The following PLD5 variants were observed in gnomAD, a reference collection of about 807,000 sequenced individuals.
PLD5 encodes the protein phospholipase D family member 5.
Under a neutral mutation model 61.1 loss-of-function variants are expected in PLD5, and 36 were observed. The observed-to-expected ratio is 0.59, with a 90% confidence interval of 0.45 to 0.78. PLD5 has a LOEUF of 0.78. PLD5 is among the 30% of genes least tolerant of loss of function. The pLI is 0.00. For missense variants in PLD5, 515 were observed against 644.4 expected (o/e 0.80, Z 2.17); for synonymous variants, 243 against 242.8 (o/e 1.00, Z -0.01).
intron 1 of PLD5, among the ~76,000 whole-genome samples, chr1:242,519,153 C>T (rs1669198157): frequency 6.6e-6 from 1 of 152,200 alleles, no homozygotes; most frequent in African/African-American, 2.4e-5. Flanking sequence ...TTAGGTTGAA[C>T]TCTGTCTTCT....
At chr1:242,380,956 T>G (rs761896444) in intron 1 of PLD5, among the ~76,000 whole-genome samples, 1 of 152,198 alleles carries the variant, frequency 6.6e-6, no homozygotes, top group African/African-American at 2.4e-5. Context: ...GATGGGAATA[T>G]AAATTAGTTC....
At chr1:242,213,322 A>G (rs1226678344) in intron 5 of PLD5, among the ~76,000 whole-genome samples, 1 of 152,176 alleles carries the variant, frequency 6.6e-6, no homozygotes, top group Middle Eastern at 3.2e-3. Flanking sequence ...TTTGCTCCCC[A>G]GTAGAAAAGA....
At chr1:242,102,734 G>A (rs1323462771) in intron 8 of PLD5, among the ~76,000 whole-genome samples, 1 of 152,116 alleles carries the variant, frequency 6.6e-6, no homozygotes, top group Non-Finnish European at 1.5e-5. Flanking sequence ...ACCCATCTGT[G>A]TTCTAGACAT....
chr1:242,182,713 C>T (rs543952575), intron 5 of PLD5, among the ~76,000 whole-genome samples: 6 of 152,192 alleles, frequency 3.9e-5, no homozygotes, highest in Admixed American at 2.0e-4. Context: ...CATGGTGGCA[C>T]ACGCCCGAAA....
chr1:242,301,979 C>G (rs1015413624), intron 2 of PLD5, among the ~76,000 whole-genome samples: 1 of 152,078 alleles, frequency 6.6e-6, no homozygotes, highest in African/African-American at 2.4e-5. Flanking sequence ...CAGGGTTTCA[C>G]CATGCTGGCC....
At chr1:242,161,735 T>C (rs118075393) in intron 5 of PLD5, among the ~76,000 whole-genome samples, 1 of 147,792 alleles carries the variant, frequency 6.8e-6, no homozygotes, top group East Asian at 2.0e-4. Flanking sequence ...GAAGATCTCG[T>C]CCAGAAGTAA....
chr1:242,308,073 T>C (rs1429693984), intron 2 of PLD5, among the ~76,000 whole-genome samples: 2 of 152,358 alleles, frequency 1.3e-5, no homozygotes, highest in East Asian at 1.9e-4. Context: ...CTTATAAATA[T>C]GTAAATATTT....
chr1:242,360,515 G>A (rs115720028), intron 1 of PLD5, among the ~76,000 whole-genome samples: 3,229 of 151,934 alleles, frequency 0.021, 50 homozygotes, highest in East Asian at 0.033. Context: ...TCATAATGAA[G>A]AAAGAAAACC....
chr1:242,306,770 CA>C (rs2149167996), intron 2 of PLD5, among the ~76,000 whole-genome samples: 1 of 135,434 alleles, frequency 7.4e-6, no homozygotes, highest in East Asian at 2.3e-4. Flanking sequence ...CACACACACA[CA>C]CACACACACA....
rs913120406 is a variant in PLD5 at position 242,175,820 on chromosome 1, G to A, written c.735+44168C>T. ...TACACCAATAATAGACAAACAGAGA[G>A]CCAAATCATGAGTGAACTCCCATTT... On this transcript the variant is annotated intron_variant, in intron 5 of 9. Coordinates refer to ENST00000536534, the MANE Select transcript of PLD5 (RefSeq NM_001372062.1). 4.6e-5 allele frequency among the ~76,000 whole-genome samples: 7 copies of A among 152,156 alleles called. No individual in the cohort carries two copies. The South Asian group carries it at 1.5e-3, about 32-fold the overall frequency.
chr1:242,370,125 A>C (rs1401853828), intron 1 of PLD5, among the ~76,000 whole-genome samples: 1 of 152,192 alleles, frequency 6.6e-6, no homozygotes, highest in East Asian at 1.9e-4. Flanking sequence ...GACAGATGGC[A>C]CAGAAGAGGC....
intron 2 of PLD5, among the ~76,000 whole-genome samples, chr1:242,345,885 C>G (rs1466909664): frequency 6.6e-6 from 1 of 151,488 alleles, no homozygotes; most frequent in Non-Finnish European, 1.5e-5. Context: ...AAGCAAGATA[C>G]CAGTTCCAGG....
At chr1:242,452,603 C>G (rs933277165) in intron 1 of PLD5, among the ~76,000 whole-genome samples, 4 of 152,110 alleles carry the variant, frequency 2.6e-5, no homozygotes, top group Non-Finnish European at 5.9e-5. Context: ...ATCGCTTGAG[C>G]CCAGGAGTTC....
chr1:242,126,884 T>G (rs1484056938), intron 5 of PLD5, among the ~76,000 whole-genome samples: 1 of 151,356 alleles, frequency 6.6e-6, no homozygotes, highest in African/African-American at 2.4e-5. Flanking sequence ...ACTCACAGAG[T>G]GGGGGAAAAT....
At chr1:242,150,365 T>C (rs1664843865) in intron 5 of PLD5, among the ~76,000 whole-genome samples, 1 of 151,768 alleles carries the variant, frequency 6.6e-6, no homozygotes, top group Non-Finnish European at 1.5e-5. Flanking sequence ...CTTACTGATT[T>C]TCTCTCTACT....
At chr1:242,438,772 G>A (rs1410547261) in intron 1 of PLD5, among the ~76,000 whole-genome samples, 1 of 152,100 alleles carries the variant, frequency 6.6e-6, no homozygotes, top group African/African-American at 2.4e-5. Context: ...TTTGGAACAG[G>A]TTTAGAAGGG....
At chr1:242,157,858 C>G (rs1665510826) in intron 5 of PLD5, among the ~76,000 whole-genome samples, 1 of 152,240 alleles carries the variant, frequency 6.6e-6, no homozygotes, top group Admixed American at 6.5e-5. Context: ...GGGGGATCTG[C>G]TGCTCTCTTC....
intron 1 of PLD5, among the ~76,000 whole-genome samples, chr1:242,503,825 T>C (rs113768573): frequency 9.2e-5 from 14 of 152,286 alleles, no homozygotes; most frequent in African/African-American, 3.4e-4. Context: ...GTTGATGGCA[T>C]TTTAACACCT....
chr1:242,313,992 C>T (rs1332654003), intron 2 of PLD5, among the ~76,000 whole-genome samples: 2 of 152,104 alleles, frequency 1.3e-5, no homozygotes, highest in African/African-American at 4.8e-5. Context: ...AGGCGTTTTT[C>T]CTAGACTTAG....
Sources: allele counts gnomAD v4.1 joint callset (sites outside exome capture counted in the v4.1 genomes callset), GRCh38; gene constraint gnomAD v4.1.1; transcripts MANE v1.5; gene names NCBI Gene and HGNC (gene_info 2026-07-23, HGNC 2026-07-21).